ELMO1: variants seen among roughly 807,000 people sequenced by gnomAD.
ELMO1 encodes the protein engulfment and cell motility protein 1.
A neutral mutation model predicts 98.9 loss-of-function variants in ELMO1; 26 were observed. The ratio of observed to expected loss-of-function variants is 0.26; its 90% CI spans 0.19 to 0.36. The LOEUF is 0.36. Ranked by LOEUF, ELMO1 falls within the 10% of genes least tolerant of loss-of-function variation. ELMO1 has a pLI of 1.00. For missense variants in ELMO1, 627 were observed against 935.2 expected (o/e 0.67, Z 4.30); for synonymous variants, 346 against 346.0 (o/e 1.00, Z 0.00).
intron 6 of ELMO1, among the ~76,000 whole-genome samples, chr7:37,245,855 C>T (rs1794978222): frequency 6.6e-6 from 1 of 152,138 alleles, no homozygotes. Flanking sequence ...CTTGAAAGAG[C>T]TCCCACAGGC....
chr7:36,956,406 ATAAT>A (rs1054778674), intron 16 of ELMO1, among the ~76,000 whole-genome samples: 3 of 152,224 alleles, frequency 2.0e-5, no homozygotes, highest in African/African-American at 4.8e-5. Flanking sequence ...TTGAAATAAA[ATAAT>A]TAAGTCAGAA....
chr7:37,354,645 CA>C (rs34370233), intron 1 of ELMO1, among the ~76,000 whole-genome samples: 30,092 of 152,148 alleles, frequency 0.2, 3,082 homozygotes, highest in Middle Eastern at 0.25. Context: ...ATTTGCTTTT[CA>C]AATTCCTTTT....
At chr7:37,161,358 A>C (rs771943627) in intron 13 of ELMO1, among the ~76,000 whole-genome samples, 2 of 152,116 alleles carry the variant, frequency 1.3e-5, no homozygotes, top group Admixed American at 1.3e-4. Flanking sequence ...TGAATCCCCT[A>C]AACATTGTAC....
intron 1 of ELMO1, among the ~76,000 whole-genome samples, chr7:37,432,897 A>C (rs1346199276): frequency 6.6e-6 from 1 of 152,276 alleles, no homozygotes; most frequent in Non-Finnish European, 1.5e-5. Flanking sequence ...GTAGAGAATT[A>C]TAAGTAGACA....
chr7:36,899,449 A>C (rs914486022), intron 16 of ELMO1, among the ~76,000 whole-genome samples: 8 of 152,148 alleles, frequency 5.3e-5, no homozygotes, highest in African/African-American at 1.9e-4. Context: ...CAGAAGGAGC[A>C]GCATGAGCAA....
intron 16 of ELMO1, among the ~76,000 whole-genome samples, chr7:36,953,296 CTT>C (rs1471362706): frequency 6.6e-6 from 1 of 152,080 alleles, no homozygotes; most frequent in Non-Finnish European, 1.5e-5. Context: ...GTACTACTCT[CTT>C]GACATAAAGA....
intron 15 of ELMO1, among the ~76,000 whole-genome samples, chr7:37,056,462 G>A (rs905366315): frequency 6.6e-6 from 1 of 152,154 alleles, no homozygotes; most frequent in East Asian, 1.9e-4. Flanking sequence ...ATGCAGTGTC[G>A]GTGACTGTCA....
At chr7:37,147,691 C>G (rs1788074518) in intron 13 of ELMO1, among the ~76,000 whole-genome samples, 1 of 152,164 alleles carries the variant, frequency 6.6e-6, no homozygotes, top group Non-Finnish European at 1.5e-5. Flanking sequence ...GGACTGGGCC[C>G]TGCCCAGGTC....
chr7:37,440,844 C>T (rs1002114867), intron 1 of ELMO1, among the ~76,000 whole-genome samples: 2 of 151,550 alleles, frequency 1.3e-5, no homozygotes, highest in Non-Finnish European at 2.9e-5. Context: ...TAAAAACCAG[C>T]CTTACTGAGT....
intron 1 of ELMO1, among the ~76,000 whole-genome samples, chr7:37,347,545 T>C (rs575791575): frequency 6.6e-6 from 1 of 151,430 alleles, no homozygotes; most frequent in Non-Finnish European, 1.5e-5. Flanking sequence ...ATTCTTATAA[T>C]GAATAAGCCT....
chr7:37,432,509 A>G (rs1804973265), intron 1 of ELMO1, among the ~76,000 whole-genome samples: 1 of 152,238 alleles, frequency 6.6e-6, no homozygotes, highest in South Asian at 2.1e-4. Flanking sequence ...GCACTTGAAC[A>G]TCAGGATAAA....
At chr7:37,112,326 G>A (rs1315369212) in intron 14 of ELMO1, among the ~76,000 whole-genome samples, 1 of 152,090 alleles carries the variant, frequency 6.6e-6, no homozygotes, top group African/African-American at 2.4e-5. Flanking sequence ...AATGAAAGAG[G>A]AGCCTAAAGG....
At chr7:36,875,468 T>C (rs1803874322) in intron 19 of ELMO1, among the ~76,000 whole-genome samples, 1 of 152,252 alleles carries the variant, frequency 6.6e-6, no homozygotes, top group African/African-American at 2.4e-5. Context: ...TATGCATTGT[T>C]AGTTCATCTT....
At chr7:37,256,743 A>G (rs1189783546) in intron 6 of ELMO1, among the ~76,000 whole-genome samples, 1 of 102,454 alleles carries the variant, frequency 9.8e-6, no homozygotes, top group East Asian at 3.0e-4. Context: ...AAGGGAAGGG[A>G]AGGGAAGGGA....
At chr7:37,335,657 C>A (rs932951019) in intron 2 of ELMO1, among the ~76,000 whole-genome samples, 1 of 152,088 alleles carries the variant, frequency 6.6e-6, no homozygotes, top group South Asian at 2.1e-4. Context: ...CAGGAGTGAG[C>A]GAGGGGTGCC....
chr7:37,162,687 C>A (rs745885748), intron 13 of ELMO1, among the ~76,000 whole-genome samples: 8 of 152,240 alleles, frequency 5.3e-5, no homozygotes, highest in Middle Eastern at 6.8e-3. Context: ...TCAAGATTTA[C>A]TCAACTCAAT....
intron 16 of ELMO1, among the ~76,000 whole-genome samples, chr7:36,966,495 G>A (rs1463047673): frequency 6.6e-6 from 1 of 152,216 alleles, no homozygotes; most frequent in East Asian, 1.9e-4. Flanking sequence ...CAGCAATGAA[G>A]AGAAAACACC....
At chr7:36,944,556 G>A (rs1278690959) in intron 16 of ELMO1, among the ~76,000 whole-genome samples, 1 of 152,202 alleles carries the variant, frequency 6.6e-6, no homozygotes, top group Non-Finnish European at 1.5e-5. Context: ...ATCTTGCTAA[G>A]TTCTACTGGT....
chr7:37,204,527 A>G (rs1792492969), intron 13 of ELMO1, among the ~76,000 whole-genome samples: 1 of 152,198 alleles, frequency 6.6e-6, no homozygotes. Flanking sequence ...GAGCAGCAGC[A>G]AGATTTATTG....
Sources: allele counts gnomAD v4.1 joint callset (sites outside exome capture counted in the v4.1 genomes callset), GRCh38; gene constraint gnomAD v4.1.1; transcripts MANE v1.5; gene names NCBI Gene and HGNC (gene_info 2026-07-23, HGNC 2026-07-21).